The following ANK2 variants were observed in gnomAD, a reference collection of about 807,000 sequenced individuals.
The protein encoded by ANK2 is ankyrin 2.
Under a neutral mutation model 360.5 loss-of-function variants are expected in ANK2, and 83 were observed. The observed-to-expected ratio is 0.23, with a 90% CI of 0.19 to 0.28. ANK2 has a LOEUF of 0.28. Among genes scored for constraint, ANK2 ranks in the 10% least tolerant of loss-of-function variants. ANK2 has a pLI of 1.00. For missense variants in ANK2, 4,201 were observed against 4,795.7 expected (o/e 0.88, Z 3.66); for synonymous variants, 1,740 against 1,759.5 (o/e 0.99, Z 0.28).
chr4:113,236,070 AT>A, intron 5 of ANK2, among the ~76,000 whole-genome samples: 1 of 150,994 alleles, frequency 6.6e-6, no homozygotes, highest in East Asian at 2.0e-4. Context: ...TATTGCCCAT[AT>A]TTTTTTCTCT....
chr4:113,315,274 C>T (rs900614285), intron 24 of ANK2, among the ~76,000 whole-genome samples: 1 of 152,142 alleles, frequency 6.6e-6, no homozygotes, highest in African/African-American at 2.4e-5. Context: ...CTCTTTAATA[C>T]CACATTCCTG....
the ANK2 span, among the ~76,000 whole-genome samples, chr4:112,726,658 T>G: frequency 2.0e-5 from 3 of 152,070 alleles, no homozygotes; most frequent in Non-Finnish European, 4.4e-5. Flanking sequence ...GAGACCATCC[T>G]GGCTAACACA....
Position 113,019,778 on chromosome 4 carries a change from C to A in ANK2, c.21+115264C>A, listed in dbSNP as rs186576445. Reference sequence around the variant, plus strand: ...ATGAGTTAGATCACTCATTTAAAATCTGAAGAAGTCAAATTATTTTTTATA... The same window carrying A: ...ATGAGTTAGATCACTCATTTAAAATATGAAGAAGTCAAATTATTTTTTATA... On this transcript the variant is annotated intron_variant, in intron 2 of 30. Coordinates refer to the ANK2 transcript ENST00000503271. Among the ~76,000 whole-genome samples the A allele has an allele frequency of 8.6e-5, 13 of 151,642 alleles. No individual in the cohort carries two copies. In the East Asian group the frequency reaches 2.3e-3, roughly 27 times the overall value.
chr4:112,979,606 A>G (rs2154270522), intron 2 of ANK2: 1 of 152,404 alleles, frequency 6.6e-6, no homozygotes, highest in South Asian at 2.1e-4. Flanking sequence ...CATGCCTAGG[A>G]AGAATGAGGT....
intron 1 of ANK2, among the ~76,000 whole-genome samples, chr4:112,818,532 G>T (rs2056021646): frequency 6.6e-6 from 1 of 152,182 alleles, no homozygotes; most frequent in South Asian, 2.1e-4. Flanking sequence ...TTAAGATCTG[G>T]TTAAAGTGAA....
chr4:113,100,144 A>C (rs74508604), intron 1 of ANK2, among the ~76,000 whole-genome samples: 16,301 of 152,052 alleles, frequency 0.11, 1,017 homozygotes, highest in African/African-American at 0.17. Flanking sequence ...AAAATTTAAA[A>C]CTTCTGTTTT....
upstream of ANK2, among the ~76,000 whole-genome samples, chr4:112,816,056 G>C (rs1051927154): frequency 8.5e-5 from 13 of 152,154 alleles, no homozygotes; most frequent in Non-Finnish European, 7.4e-5. Flanking sequence ...GGGTAACCTG[G>C]GTACCCACTA....
chr4:112,796,801 A>G, the ANK2 span, among the ~76,000 whole-genome samples: 14 of 152,308 alleles, frequency 9.2e-5, no homozygotes, highest in Middle Eastern at 3.4e-3. Flanking sequence ...GTGTTTAACA[A>G]TGATCAATGT....
At chr4:113,059,231 C>T (rs2071820177) in intron 1 of ANK2, among the ~76,000 whole-genome samples, 1 of 152,128 alleles carries the variant, frequency 6.6e-6, no homozygotes, top group Non-Finnish European at 1.5e-5. Flanking sequence ...TTAATGTTCT[C>T]CCATTCAGTT....
At chr4:113,080,061 G>A (rs2081752090) in intron 1 of ANK2, among the ~76,000 whole-genome samples, 1 of 151,978 alleles carries the variant, frequency 6.6e-6, no homozygotes, top group Non-Finnish European at 1.5e-5. Flanking sequence ...ACCACACATG[G>A]CTAATTTTTG....
chr4:112,822,483 GC>G (rs1399404675), intron 1 of ANK2, among the ~76,000 whole-genome samples: 1 of 151,432 alleles, frequency 6.6e-6, no homozygotes, highest in Admixed American at 6.6e-5. Context: ...AGTAGCTCAT[GC>G]CTGTAAATTC....
intron 4 of ANK2, among the ~76,000 whole-genome samples, chr4:113,222,448 G>A (rs949128187): frequency 6.8e-6 from 1 of 147,366 alleles, no homozygotes; most frequent in Non-Finnish European, 1.5e-5. Flanking sequence ...TCAGGCTGGA[G>A]TGCAGTGGTG....
chr4:112,730,328 C>A, the ANK2 span, among the ~76,000 whole-genome samples: 13 of 142,810 alleles, frequency 9.1e-5, no homozygotes, highest in Non-Finnish European at 2.0e-4. Flanking sequence ...CAGTTAATAA[C>A]AATATATTGT....
At chr4:113,230,964 GC>G in intron 4 of ANK2, among the ~76,000 whole-genome samples, 1 of 152,102 alleles carries the variant, frequency 6.6e-6, no homozygotes, top group Admixed American at 6.5e-5. Context: ...TTTCAAAATG[GC>G]TTTAAAAAAC....
At chr4:113,341,657 T>G (rs760613899) in intron 32 of ANK2, 31 bp from the exon 33 acceptor site, 26 of 1,607,810 alleles carry the variant, frequency 1.6e-5, no homozygotes, top group Non-Finnish European at 2.1e-5. Flanking sequence ...TACTTTGAAC[T>G]TTAGATAACT....
At chr4:112,820,810 G>C (rs1399364376) in intron 1 of ANK2, among the ~76,000 whole-genome samples, 1 of 152,252 alleles carries the variant, frequency 6.6e-6, no homozygotes, top group East Asian at 1.9e-4. Flanking sequence ...CATGATCATA[G>C]CTCATGTAAC....
intron 4 of ANK2, among the ~76,000 whole-genome samples, chr4:113,224,012 C>T (rs1360123932): frequency 2.6e-5 from 4 of 152,134 alleles, no homozygotes; most frequent in Non-Finnish European, 5.9e-5. Flanking sequence ...TAGGCTGCCT[C>T]AGTGTCAGCA....
At chr4:112,880,424 A>G (rs1467473330) in intron 1 of ANK2, 3 of 152,226 alleles carry the variant, frequency 2.0e-5, no homozygotes, top group South Asian at 4.1e-4. Flanking sequence ...TATTGGAACT[A>G]GTAGTACCTG....
the ANK2 span, among the ~76,000 whole-genome samples, chr4:112,712,692 C>A: frequency 2.0e-5 from 3 of 152,164 alleles, no homozygotes; most frequent in East Asian, 1.9e-4. Flanking sequence ...CAGGCATGAG[C>A]CACTGCGCCC....
Sources: gnomAD v4.1 joint callset for allele counts (sites outside exome capture counted in the v4.1 genomes callset) on GRCh38, gnomAD v4.1.1 for gene constraint, MANE v1.5 for transcripts, NCBI Gene and HGNC (gene_info 2026-07-23, HGNC 2026-07-21) for gene names.